The following PDE11A variants were observed in gnomAD, a reference collection of about 807,000 sequenced individuals.
PDE11A encodes the protein phosphodiesterase 11A, also known as dual 3',5'-cyclic-AMP and -GMP phosphodiesterase 11A.
Under a neutral mutation model 100.5 loss-of-function variants are expected in PDE11A, and 100 were observed. The ratio of observed to expected loss-of-function variants is 1.00; its 90% CI spans 0.85 to 1.18. The LOEUF (loss-of-function observed/expected upper bound fraction) is 1.18, where lower values mean the gene tolerates loss of function less well. PDE11A is among the 50% of genes most tolerant of loss of function. PDE11A has a pLI of 0.00. For synonymous variants in PDE11A, 381 were observed against 420.8 expected (o/e 0.91, Z 1.16); for missense variants, 1,141 against 1,152.6 (o/e 0.99, Z 0.15).
At chr2:177,993,429 C>A (rs2086028581) in intron 2 of PDE11A, among the ~76,000 whole-genome samples, 1 of 151,862 alleles carries the variant, frequency 6.6e-6, no homozygotes, top group Non-Finnish European at 1.5e-5. Context: ...TTTTTAAAGT[C>A]CCCTTGCTTT....
intron 10 of PDE11A, among the ~76,000 whole-genome samples, chr2:177,764,125 T>A (rs760821943): frequency 3.7e-4 from 57 of 152,240 alleles, no homozygotes; most frequent in Non-Finnish European, 5.0e-4. Context: ...GGTCATAAGA[T>A]CCTATTTTTG....
At chr2:178,005,814 G>A (rs1445929009) in intron 2 of PDE11A, among the ~76,000 whole-genome samples, 1 of 152,140 alleles carries the variant, frequency 6.6e-6, no homozygotes, top group East Asian at 1.9e-4. Flanking sequence ...AACTTACTAA[G>A]TTCATTTATT....
chr2:177,935,059 T>C (rs991772647), intron 2 of PDE11A, among the ~76,000 whole-genome samples: 2 of 151,410 alleles, frequency 1.3e-5, no homozygotes, highest in Admixed American at 1.3e-4. Flanking sequence ...CATTTTACAA[T>C]ATACCCAGGT....
intron 5 of PDE11A, among the ~76,000 whole-genome samples, chr2:177,858,392 A>C (rs1028625553): frequency 6.9e-6 from 1 of 144,334 alleles, no homozygotes; most frequent in Non-Finnish European, 1.6e-5. Context: ...AACTCAAACA[A>C]ATTTACAAGA....
At position 177,832,554 on chromosome 2, in the gene PDE11A, CATCTATCTATCTATCT is replaced by C. The variant is rs58916923; in HGVS notation, c.1500+7681_1500+7696del. On this transcript the variant is annotated intron_variant, in intron 6 of 19. Coordinates refer to ENST00000286063, the MANE Select transcript of PDE11A (RefSeq NM_016953.4). ...GTTAATACTCCTTAATACTCACATC[CATCTATCTATCTATCT>C]ATCTATCTATCTATCTATCTATCTA... 6.8e-5 allele frequency among the ~76,000 whole-genome samples: 10 copies of C among 146,402 alleles called. No homozygotes were observed. In the South Asian group the frequency reaches 6.9e-4, roughly 10 times the overall value.
At chr2:177,848,394 ACT>A (rs1168737463) in intron 5 of PDE11A, among the ~76,000 whole-genome samples, 1 of 152,186 alleles carries the variant, frequency 6.6e-6, no homozygotes, top group Non-Finnish European at 1.5e-5. Context: ...GCTTATTTTA[ACT>A]CTCTACAAAG....
At chr2:177,979,379 T>C (rs2085850198) in intron 2 of PDE11A, among the ~76,000 whole-genome samples, 1 of 150,578 alleles carries the variant, frequency 6.6e-6, no homozygotes, top group South Asian at 2.2e-4. Context: ...TTGGTAATTA[T>C]TTTTATATTG....
chr2:177,714,971 C>T (rs2081414860), intron 12 of PDE11A, among the ~76,000 whole-genome samples: 1 of 152,162 alleles, frequency 6.6e-6, no homozygotes, highest in Admixed American at 6.5e-5. Flanking sequence ...TCAGGGGGTT[C>T]CTCCTTCCCC....
intron 6 of PDE11A, among the ~76,000 whole-genome samples, chr2:177,832,554 C>CATCTATCT (rs58916923): frequency 0.19 from 28,142 of 146,246 alleles, 2,808 homozygotes; most frequent in Middle Eastern, 0.25. Context: ...TACTCACATC[C>CATCTATCT]ATCTATCTAT....
At chr2:177,814,220 T>C (rs1008275218) in intron 9 of PDE11A, among the ~76,000 whole-genome samples, 5 of 152,088 alleles carry the variant, frequency 3.3e-5, no homozygotes, top group Admixed American at 6.6e-5. Context: ...CATAGAAATA[T>C]TTAGAAAAAT....
Position 177,998,482 on chromosome 2 carries a change from G to T in PDE11A, c.1071+15820C>A, listed in dbSNP as rs1270438265. On this transcript the variant is annotated intron_variant, in intron 2 of 19. Transcript: ENST00000286063. The stretch of plus-strand genomic sequence containing the variant: ...AGTTGCATTAGTATATCTGCCACTC[G>T]AGGAAGATTTTCTCCAGTGGTAAAT... 4 of 1,368,694 alleles carry T rather than the reference G, an allele frequency of 2.9e-6. 1 individual carries two copies. In the South Asian group the frequency reaches 3.5e-5, roughly 12 times the overall value. 84.8% of individuals were successfully genotyped at this position (1,368,694 alleles called of 1,614,324 possible).
rs368218737 is a variant in PDE11A, at chr2:178,012,863, C to T, written c.1071+1439G>A. Among the ~76,000 whole-genome samples, 13 of 152,252 alleles carry T rather than the reference C, an allele frequency of 8.5e-5. No individual in the cohort carries two copies. The East Asian group carries it at 1.9e-3, about 23-fold the overall frequency. On this transcript the variant is annotated intron_variant, in intron 2 of 19. Transcript: ENST00000286063. ...TATGTAGTGGTTATATTTGGAAAGA[C>T]GCAAAACCCACATCCTTCTACCTAA...
At chr2:177,807,415 A>ATTATTTTATT (rs150217510) in intron 9 of PDE11A, among the ~76,000 whole-genome samples, 9 of 151,458 alleles carry the variant, frequency 5.9e-5, no homozygotes, top group African/African-American at 1.9e-4. Flanking sequence ...TTTTGTTTTT[A>ATTATTTTATT]TTATTTTATT....
intron 4 of PDE11A, among the ~76,000 whole-genome samples, chr2:177,893,494 G>A (rs1208657530): frequency 6.6e-6 from 1 of 152,142 alleles, no homozygotes; most frequent in African/African-American, 2.4e-5. Flanking sequence ...AGCTGTTCCT[G>A]TATTATGAGT....
At chr2:178,046,162 T>C (rs1489690990) in intron 1 of PDE11A, among the ~76,000 whole-genome samples, 4 of 152,212 alleles carry the variant, frequency 2.6e-5, no homozygotes, top group African/African-American at 9.6e-5. Flanking sequence ...CAGTGCCTAC[T>C]GCATAACATA....
At chr2:177,743,224 T>C (rs959026798) in intron 10 of PDE11A, among the ~76,000 whole-genome samples, 5 of 152,238 alleles carry the variant, frequency 3.3e-5, no homozygotes, top group African/African-American at 1.2e-4. Context: ...TTGTACTTAT[T>C]TTCTGTTAAA....
intron 12 of PDE11A, among the ~76,000 whole-genome samples, chr2:177,718,465 G>A (rs556344440): frequency 1.3e-5 from 2 of 152,248 alleles, no homozygotes; most frequent in African/African-American, 4.8e-5. Context: ...TTTATTTCAC[G>A]AAGGACGTTA....
At chr2:177,863,812 C>T (rs2083984118) in intron 5 of PDE11A, among the ~76,000 whole-genome samples, 1 of 151,944 alleles carries the variant, frequency 6.6e-6, no homozygotes, top group East Asian at 1.9e-4. Flanking sequence ...TACAACTACC[C>T]TATGACCCAG....
chr2:177,888,607 C>G, intron 4 of PDE11A: 1 of 434,454 alleles, frequency 2.3e-6, no homozygotes, highest in Non-Finnish European at 3.1e-6. Context: ...TTAAAATATT[C>G]CACAAATATA....
Sources: allele counts gnomAD v4.1 joint callset (sites outside exome capture counted in the v4.1 genomes callset), GRCh38; gene constraint gnomAD v4.1.1; transcripts MANE v1.5; gene names NCBI Gene and HGNC (gene_info 2026-07-23, HGNC 2026-07-21).